Variants in ADORA1 observed in about 807,000 individuals in gnomAD.
ADORA1 encodes adenosine A1 receptor, also known as adenosine receptor A1.
ADORA1 carries 6 observed loss-of-function variants against 19.9 expected under a neutral mutation model. That is an observed-to-expected ratio of 0.30 (90% CI 0.17 to 0.59). ADORA1 has a LOEUF of 0.59. Ranked by LOEUF, ADORA1 falls within the 20% of genes least tolerant of loss-of-function variation. The pLI, the probability that ADORA1 is intolerant of heterozygous loss-of-function variation, is 0.87. For missense variants in ADORA1, 302 were observed against 439.2 expected (o/e 0.69, Z 2.79); for synonymous variants, 194 against 188.4 (o/e 1.03, Z -0.24).
intron 3 of ADORA1, among the ~76,000 whole-genome samples, chr1:203,149,619 G>A (rs569661410): frequency 1.3e-5 from 2 of 152,290 alleles, no homozygotes; most frequent in African/African-American, 4.8e-5. Context: ...GAGATATCGG[G>A]GCTGAGTGGT....
intron 3 of ADORA1, among the ~76,000 whole-genome samples, chr1:203,144,214 A>ATG (rs1271310800): frequency 6.6e-6 from 1 of 151,940 alleles, no homozygotes; most frequent in Non-Finnish European, 1.5e-5. Context: ...TTTTGCCTGC[A>ATG]TGTTCCCACA....
chr1:203,164,647 G>C (rs1655474734), intron 3 of ADORA1, among the ~76,000 whole-genome samples: 1 of 152,120 alleles, frequency 6.6e-6, no homozygotes, highest in African/African-American at 2.4e-5. Context: ...GGGGAGTATG[G>C]GACAAGGCCA....
rs183977757 is a variant in ADORA1 at position 203,162,222 on chromosome 1, G to A, written c.342-3039G>A. On this transcript the variant is annotated intron_variant, in intron 3 of 3. Coordinates refer to ENST00000337894, the MANE Select transcript of ADORA1 (RefSeq NM_000674.3). ...GAGAGCCTGCCCCACCTCAGCCAAG[G>A]TCTTGGGTCCAGCCCTTTCCCACCA... Among the ~76,000 whole-genome samples the A allele has an allele frequency of 5.4e-4, 83 of 152,320 alleles. 1 individual carries two copies. Among genetic ancestry groups the A allele is most frequent in the Admixed American group, 1.4e-3 (22 of 15,308 alleles).
At position 203,136,057 on chromosome 1, in the gene ADORA1, G is replaced by A. The variant is rs148746508; in HGVS notation, c.341+6875G>A. ...CTTGGGGTGAGGCACATCTTGGTTG[G>A]CCTCATTCGGCAGGTGGGGACAGAC... is the stretch of plus-strand genomic sequence containing the variant. On this transcript the variant is annotated intron_variant, in intron 3 of 3. Coordinates refer to ENST00000337894, the MANE Select transcript of ADORA1 (RefSeq NM_000674.3). 3.9e-5 allele frequency among the ~76,000 whole-genome samples: 6 copies of A among 152,244 alleles called. No individual in the cohort carries two copies. In the East Asian group the frequency reaches 1.2e-3, roughly 29 times the overall value.
chr1:203,128,261 A>C lies in ADORA1; in HGVS notation c.-212-17A>C. The C allele has an allele frequency of 8.3e-7, 1 of 1,208,848 alleles. No individual in the cohort carries two copies. Among genetic ancestry groups the C allele is most frequent in the Non-Finnish European group, 1.1e-6 (1 of 923,004 alleles). The allele number at this position is 1,208,848 out of a possible 1,614,324, so 74.9% of individuals were successfully genotyped here. ...TCCGGGGCTGAGTCTCTGCCGTACCATGTGATTGCTTGAAAGGCCGGGCTG... is the reference window on the plus strand; with the variant it reads ...TCCGGGGCTGAGTCTCTGCCGTACCCTGTGATTGCTTGAAAGGCCGGGCTG... On this transcript the variant is annotated splice_polypyrimidine_tract_variant and intron_variant, in intron 1 of 3. Coordinates refer to ENST00000337894, the MANE Select transcript of ADORA1 (RefSeq NM_000674.3). This position sits in a 1 kb window ranked among gnomAD's most constrained non-coding sequence, Gnocchi z 5.9.
At chr1:203,161,454 A>T (rs1044673684) in intron 3 of ADORA1, among the ~76,000 whole-genome samples, 5 of 152,160 alleles carry the variant, frequency 3.3e-5, no homozygotes, top group Non-Finnish European at 7.3e-5. Context: ...AACTAAATAA[A>T]TAAATAGCCC....
chr1:203,133,821 A>G (rs975680495), intron 3 of ADORA1, among the ~76,000 whole-genome samples: 8 of 152,208 alleles, frequency 5.3e-5, no homozygotes. Context: ...GTGCTGAGCC[A>G]GAGTGGGGAA....
Position 203,135,424 on chromosome 1 carries a change from C to T in ADORA1, c.341+6242C>T, listed in dbSNP as rs142643071. On this transcript the variant is annotated intron_variant, in intron 3 of 3. Transcript: ENST00000337894. ...CTGTAATCCCAACACTTTGGGAGCC[C>T]GAGGCAGGCAGATCATTTGAGGTCA... 3.1e-3 allele frequency among the ~76,000 whole-genome samples: 465 copies of T among 152,132 alleles called. 3 individuals are homozygous for T. Among genetic ancestry groups the T allele is most frequent in the African/African-American group, 0.011 (446 of 41,492 alleles).
chr1:203,166,014 G>GCA lies in ADORA1; in HGVS notation c.*114_*115insCA. The GCA allele has an allele frequency of 7.4e-7, 1 of 1,344,462 alleles. No individual in the cohort carries two copies. The highest frequency in any genetic ancestry group is 9.8e-7 in the Non-Finnish European group (1 of 1,022,572). The allele number at this position is 1,344,462 out of a possible 1,614,324, so 83.3% of individuals were successfully genotyped here. A position where few individuals can be genotyped will look rare whatever the true frequency, so the allele number is the denominator to read the frequency against. ...TGCCCCAGCTGGGCTGTTGGCTGGGGGCATGGGGGAGGCTCTGAAGAGATA... is the reference window on the plus strand; with the variant it reads ...TGCCCCAGCTGGGCTGTTGGCTGGGGCAGCATGGGGGAGGCTCTGAAGAGATA... On this transcript the variant is annotated 3_prime_UTR_variant, in exon 4 of 4. Coordinates refer to ENST00000337894, the MANE Select transcript of ADORA1 (RefSeq NM_000674.3).
chr1:203,155,256 G>T (rs1389946695), intron 3 of ADORA1, among the ~76,000 whole-genome samples: 1 of 152,018 alleles, frequency 6.6e-6, no homozygotes, highest in East Asian at 1.9e-4. Context: ...TGGCCAGGGT[G>T]GTCTCGAACT....
chr1:203,140,159 A>G (rs1654633725), intron 3 of ADORA1, among the ~76,000 whole-genome samples: 1 of 152,192 alleles, frequency 6.6e-6, no homozygotes, highest in Non-Finnish European at 1.5e-5. Context: ...TCACACCAAC[A>G]TAAGAGGGTC....
chr1:203,157,043 G>C (rs532198339), intron 3 of ADORA1, among the ~76,000 whole-genome samples: 1 of 152,344 alleles, frequency 6.6e-6, no homozygotes, highest in Non-Finnish European at 1.5e-5. Context: ...TTCTGCCCTG[G>C]CCTTCAAAAT....
intron 3 of ADORA1, among the ~76,000 whole-genome samples, chr1:203,154,713 T>G (rs982133979): frequency 9.9e-5 from 15 of 152,268 alleles, no homozygotes; most frequent in African/African-American, 3.1e-4. Context: ...TGGACCTGGA[T>G]AGCCCCAGGG....
At chr1:203,142,133 G>A (rs1334404624) in intron 3 of ADORA1, among the ~76,000 whole-genome samples, 4 of 152,216 alleles carry the variant, frequency 2.6e-5, no homozygotes, top group Non-Finnish European at 5.9e-5. Context: ...TGTGAGGCTG[G>A]GAGATAGTGT....
intron 3 of ADORA1, chr1:203,144,559 C>T (rs1301317065): frequency 2.0e-5 from 3 of 152,188 alleles, no homozygotes; most frequent in African/African-American, 7.2e-5. Flanking sequence ...AATTAAACTA[C>T]TAGGTAACAG....
At chr1:203,131,789 A>G (rs1292823022) in intron 3 of ADORA1, among the ~76,000 whole-genome samples, 1 of 152,208 alleles carries the variant, frequency 6.6e-6, no homozygotes, top group Non-Finnish European at 1.5e-5. Flanking sequence ...GAGGAACAGC[A>G]TGCTTTGCTC....
intron 3 of ADORA1, among the ~76,000 whole-genome samples, chr1:203,137,723 A>T (rs779635374): frequency 6.6e-6 from 1 of 152,222 alleles, no homozygotes; most frequent in Non-Finnish European, 1.5e-5. Flanking sequence ...ACTCAGCTCT[A>T]TAAAATTTTG....
intron 3 of ADORA1, among the ~76,000 whole-genome samples, chr1:203,160,660 T>A (rs1307241763): frequency 6.6e-6 from 1 of 151,918 alleles, no homozygotes; most frequent in East Asian, 1.9e-4. Flanking sequence ...CAAAAACACT[T>A]AAAAATAGCT....
chr1:203,154,987 A>G (rs1655150193), intron 3 of ADORA1, among the ~76,000 whole-genome samples: 1 of 151,278 alleles, frequency 6.6e-6, no homozygotes, highest in African/African-American at 2.4e-5. Context: ...TGGTGTGTTC[A>G]CCATCTGATG....
Sources: gnomAD v4.1 joint callset for allele counts (sites outside exome capture counted in the v4.1 genomes callset) on GRCh38, gnomAD v4.1.1 for gene constraint, Gnocchi (gnomAD v3.1) non-coding constraint, MANE v1.5 for transcripts, NCBI Gene and HGNC (gene_info 2026-07-23, HGNC 2026-07-21) for gene names.